ANXA5: variants seen among roughly 807,000 people sequenced by gnomAD.
ANXA5 encodes the protein CBP-I.
Under a neutral mutation model 48.1 loss-of-function variants are expected in ANXA5, and 40 were observed. The ratio of observed to expected loss-of-function variants is 0.83; its 90% CI spans 0.65 to 1.08. ANXA5 has a LOEUF of 1.08. ANXA5 is among the 50% of genes least tolerant of loss of function. The pLI is 0.00. For missense variants in ANXA5, 357 were observed against 376.8 expected, an observed-to-expected ratio of 0.95 and a Z score of 0.44; for synonymous variants, 113 against 129.1, an observed-to-expected ratio of 0.88 and a Z score of 0.85.
chr4:121,689,910 T>C (rs755936924), intron 2 of ANXA5, among the ~76,000 whole-genome samples: 1 of 152,192 alleles, frequency 6.6e-6, no homozygotes. Flanking sequence ...AGGGTGATTC[T>C]GTTTTTTGGA....
At chr4:121,681,209 A>ATACAT (rs1483111572) in intron 6 of ANXA5, among the ~76,000 whole-genome samples, 1 of 152,244 alleles carries the variant, frequency 6.6e-6, no homozygotes, top group African/African-American at 2.4e-5. Context: ...AAGCACTGCC[A>ATACAT]TTAGCTAAGA....
intron 2 of ANXA5, 45 bp downstream of exon 2, chr4:121,696,536 A>T (rs1392197580): frequency 1.5e-6 from 2 of 1,347,934 alleles, no homozygotes; most frequent in African/African-American, 3.0e-5. Flanking sequence ...CGCAGCATAC[A>T]AAGTTGTGGG....
intron 2 of ANXA5, among the ~76,000 whole-genome samples, chr4:121,687,488 T>TA (rs1724913060): frequency 6.6e-6 from 1 of 152,084 alleles, no homozygotes; most frequent in African/African-American, 2.4e-5. Context: ...AACAAACAGC[T>TA]AAAAGGACTG....
chr4:121,677,791 A>G, intron 8 of ANXA5, 103 bp downstream of exon 8: 1 of 1,028,186 alleles, frequency 9.7e-7, no homozygotes, highest in Non-Finnish European at 1.5e-6. Context: ...TAACAAGATT[A>G]TCACTAGAAG....
chr4:121,668,559 G>A, intron 12 of ANXA5, 32 bp from the exon 13 acceptor site: 1 of 1,593,920 alleles, frequency 6.3e-7, no homozygotes, highest in East Asian at 2.2e-5. Context: ...TAACCTCCAT[G>A]ACTCACAGAA....
Position 121,677,654 on chromosome 4 carries a change from T to C in ANXA5, c.531+240A>G, listed in dbSNP as rs538467714. Among the ~76,000 whole-genome samples the C allele has an allele frequency of 3.9e-5, 6 of 152,296 alleles. No individual in the cohort carries two copies. The East Asian group carries it at 1.2e-3, about 29-fold the overall frequency. On this transcript the variant is annotated intron_variant, in intron 8 of 12. Coordinates refer to ENST00000296511, the MANE Select transcript of ANXA5 (RefSeq NM_001154.4). Reference sequence around the variant, plus strand: ...TGTTCAATAATCACAAAAAAAAACATGTCTAGTTGGAACTCACTATATAAT... The same window carrying C: ...TGTTCAATAATCACAAAAAAAAACACGTCTAGTTGGAACTCACTATATAAT...
chr4:121,694,117 AG>A (rs1725035616), intron 2 of ANXA5, among the ~76,000 whole-genome samples: 2 of 35,396 alleles, frequency 5.7e-5, no homozygotes, highest in African/African-American at 4.5e-4. Context: ...GGGAGGGGGG[AG>A]GGATAGCATT....
Position 121,687,384 on chromosome 4 carries a change from T to C in ANXA5, c.10-1012A>G, listed in dbSNP as rs543821435. 2.6e-5 allele frequency among the ~76,000 whole-genome samples: 4 copies of C among 152,188 alleles called. No individual in the cohort carries two copies. In the East Asian group the frequency reaches 5.8e-4, roughly 22 times the overall value. ...ATTAATACTGAGCCATAAATGTTTA[T>C]CTTACGCTAAATGGAGGCTCCCAGA... On this transcript the variant is annotated intron_variant, in intron 2 of 12. Transcript: ENST00000296511.
In ANXA5 at chr4:121,681,656, C is replaced by T; in HGVS notation, c.394+15G>A. 4 of 1,582,028 alleles carry T rather than the reference C, an allele frequency of 2.5e-6. No homozygotes were observed. The highest frequency in any genetic ancestry group is 3.5e-6 in the Non-Finnish European group (4 of 1,153,260). ...TAGTGGAGGTGAAGTCAAAATATAACTCACAAACATTTACCTTCTTCATAA... is the reference window on the plus strand; with the variant it reads ...TAGTGGAGGTGAAGTCAAAATATAATTCACAAACATTTACCTTCTTCATAA... On this transcript the variant is annotated intron_variant, in intron 6 of 12. Coordinates refer to ENST00000296511, the MANE Select transcript of ANXA5 (RefSeq NM_001154.4).
chr4:121,677,998 T>A, intron 7 of ANXA5, 48 bp from the exon 8 acceptor site: 1 of 1,491,756 alleles, frequency 6.7e-7, no homozygotes, highest in Admixed American at 1.8e-5. Flanking sequence ...GCATTCTCAT[T>A]CAAAAGGAAA....
At chr4:121,675,958 A>G (rs1053531272) in intron 8 of ANXA5, among the ~76,000 whole-genome samples, 1 of 152,224 alleles carries the variant, frequency 6.6e-6, no homozygotes, top group Non-Finnish European at 1.5e-5. Flanking sequence ...TGCTCTCATT[A>G]CATCACCAAC....
At chr4:121,682,150 T>C (rs1276646251) in intron 5 of ANXA5, among the ~76,000 whole-genome samples, 1 of 152,116 alleles carries the variant, frequency 6.6e-6, no homozygotes, top group Non-Finnish European at 1.5e-5. Context: ...TTCACGTAAA[T>C]GTACATGGAA....
At chr4:121,689,473 G>T (rs1332142713) in intron 2 of ANXA5, among the ~76,000 whole-genome samples, 1 of 152,188 alleles carries the variant, frequency 6.6e-6, no homozygotes, top group Non-Finnish European at 1.5e-5. Context: ...GGCAATGTGA[G>T]CACATTTGAG....
At chr4:121,677,978 G>C in intron 7 of ANXA5, 28 bp from the exon 8 acceptor site, 1 of 1,578,662 alleles carries the variant, frequency 6.3e-7, no homozygotes, top group South Asian at 1.1e-5. Flanking sequence ...TCACATTACT[G>C]AACTATAGAG....
At chr4:121,693,871 C>T (rs1208358189) in intron 2 of ANXA5, among the ~76,000 whole-genome samples, 23 of 152,200 alleles carry the variant, frequency 1.5e-4, no homozygotes, top group Non-Finnish European at 3.2e-4. Context: ...AATCAATATC[C>T]AGTCAGCTCC....
intron 8 of ANXA5, among the ~76,000 whole-genome samples, chr4:121,676,822 TAAGTA>T (rs1353968889): frequency 6.6e-6 from 1 of 151,960 alleles, no homozygotes; most frequent in Non-Finnish European, 1.5e-5. Flanking sequence ...GCTGGAGGCA[TAAGTA>T]AACAACACAC....
chr4:121,681,489 C>G, intron 6 of ANXA5, 182 bp downstream of exon 6: 1 of 503,390 alleles, frequency 2.0e-6, no homozygotes, highest in South Asian at 3.5e-5. Context: ...TAGAGGATAA[C>G]AAGGCAGTCT....
At chr4:121,681,959 C>A (rs1724800616) in intron 5 of ANXA5, among the ~76,000 whole-genome samples, 198 bp from the exon 6 acceptor site, 1 of 151,822 alleles carries the variant, frequency 6.6e-6, no homozygotes, top group African/African-American at 2.4e-5. Context: ...CCATTTTATT[C>A]TTTTTGCCTA....
chr4:121,673,231 C>T (rs1267790635), intron 8 of ANXA5, among the ~76,000 whole-genome samples: 2 of 152,130 alleles, frequency 1.3e-5, no homozygotes, highest in Non-Finnish European at 2.9e-5. Context: ...AGTTTGAGTG[C>T]CCATACTTCC....
Sources: allele counts gnomAD v4.1 joint callset (sites outside exome capture counted in the v4.1 genomes callset), GRCh38; gene constraint gnomAD v4.1.1; transcripts MANE v1.5; gene names NCBI Gene and HGNC (gene_info 2026-07-23, HGNC 2026-07-21).